Variants in TRIP10 observed in about 807,000 individuals in gnomAD.
TRIP10 encodes the protein thyroid hormone receptor interactor 10, also known as cdc42-interacting protein 4.
In TRIP10, 54 loss-of-function variants were observed where a neutral mutation model predicts 80.9. The observed-to-expected ratio is 0.67, with a 90% CI of 0.54 to 0.84. The LOEUF (loss-of-function observed/expected upper bound fraction) is 0.84, where lower values mean the gene tolerates loss of function less well. Among genes scored for constraint, TRIP10 ranks in the 40% least tolerant of loss-of-function variants. TRIP10 has a pLI of 0.00. For missense variants in TRIP10, 773 were observed against 815.3 expected (o/e 0.95, Z 0.63); for synonymous variants, 321 against 307.2 (o/e 1.04, Z -0.47).
chr19:6,750,193 C>CCA, intron 12 of TRIP10, 99 bp from the exon 13 acceptor site: 2 of 1,578,452 alleles, frequency 1.3e-6, no homozygotes, highest in Non-Finnish European at 1.7e-6. Flanking sequence ...TCCATCACAG[C>CCA]CTTGGCTGTG....
At position 6,744,758 on chromosome 19, in the gene TRIP10, G is replaced by A; in HGVS notation, c.790-42G>A. 6.3e-7 allele frequency: 1 copy of A among 1,597,306 alleles called. No homozygotes were observed. The highest frequency in any genetic ancestry group is 8.5e-7 in the Non-Finnish European group (1 of 1,170,632). On this transcript the variant is annotated intron_variant, in intron 8 of 14. Coordinates refer to ENST00000313244, the MANE Select transcript of TRIP10 (RefSeq NM_001288962.2). The surrounding 1 kb of genome is among the most constrained non-coding windows in gnomAD (Gnocchi z 4.9). ...GGAAGGGCAGAGGGAGGTACCCATA[G>A]GCTAGGCACTCGACTGCTCATCCAC... is the stretch of plus-strand genomic sequence containing the variant.
At chr19:6,748,409 T>G (rs1206045640) in intron 11 of TRIP10, 8 of 152,208 alleles carry the variant, frequency 5.3e-5, no homozygotes, top group Non-Finnish European at 1.2e-4. Context: ...AAACTGGACT[T>G]GATTTCCAGC....
intron 3 of TRIP10, 31 bp from the exon 4 acceptor site, chr19:6,742,936 T>A (rs1356983530): frequency 6.2e-7 from 1 of 1,611,048 alleles, no homozygotes; most frequent in South Asian, 1.1e-5. Flanking sequence ...GGGGCCTGAC[T>A]CCCTGTTCCC....
At position 6,751,074 on chromosome 19, in the gene TRIP10, G is replaced by A. The variant is rs762328899; in HGVS notation, c.1669G>A (p.Gly557Ser). 2.5e-6 allele frequency: 4 copies of A among 1,583,020 alleles called. No individual in the cohort carries two copies. The African/African-American group carries it at 4.1e-5, about 16-fold the overall frequency. ...CACCCCCATCACAGGGTCCAGCGAG[G>A]GCACTATCTCTATGGCCGAGGGTGA... is the stretch of plus-strand genomic sequence containing the variant. Reference protein sequence around the residue: ...AIYHFEGSSEGTISMAEGEDL... With the variant: ...AIYHFEGSSESTISMAEGEDL... Residue 557 changes from glycine to serine, a missense_variant, in exon 15 of 15, where the codon GGC becomes AGC. Physicochemically the swap from Gly to Ser is moderately conservative, Grantham distance 56 (BLOSUM62 0). Coordinates refer to ENST00000313244, the MANE Select transcript of TRIP10 (RefSeq NM_001288962.2).
In TRIP10 at chr19:6,751,504, T is replaced by A; in HGVS notation, c.*293T>A. The A allele has an allele frequency of 1.6e-6, 1 of 622,192 alleles. No individual in the cohort carries two copies. The highest frequency in any genetic ancestry group is 1.9e-5 in the African/African-American group (1 of 52,410). The allele number at this position is 622,192 out of a possible 1,614,324, so 38.5% of individuals were successfully genotyped here. A position where few individuals can be genotyped will look rare whatever the true frequency, so the allele number is the denominator to read the frequency against. ...AATGGGAAAAAAAAAAAAGAAATTA[T>A]ATAAAGTTCCTAGAGTCGGTGTCTT... On this transcript the variant is annotated 3_prime_UTR_variant, in exon 15 of 15. Coordinates refer to ENST00000313244, the MANE Select transcript of TRIP10 (RefSeq NM_001288962.2).
rs747641681 is a variant in TRIP10 at position 6,744,062 on chromosome 19, C to G, written c.642+226C>G. Among the ~76,000 whole-genome samples, 3 of 152,068 alleles carry G rather than the reference C, an allele frequency of 2.0e-5. No homozygotes were observed. In the South Asian group the frequency reaches 6.2e-4, roughly 31 times the overall value. ...TTCTATAGAGAGATGGGGCCTGGCT[C>G]TGTCACCCGGGCAGGAGTGCAGTGG... On this transcript the variant is annotated intron_variant, in intron 7 of 14. Transcript: ENST00000313244. The surrounding 1 kb of genome is among the most constrained non-coding windows in gnomAD (Gnocchi z 4.9).
chr19:6,742,348 C>A (rs1039775096), intron 3 of TRIP10, among the ~76,000 whole-genome samples: 2 of 151,930 alleles, frequency 1.3e-5, no homozygotes, highest in Non-Finnish European at 2.9e-5. Context: ...CAAGATCGCA[C>A]CACTGCACTC....
Position 6,750,659 on chromosome 19 carries a change from C to T in TRIP10, c.1657+26C>T, listed in dbSNP as rs114448656. The T allele has an allele frequency of 1.3e-3, 2,094 of 1,612,254 alleles. 17 individuals carry two copies. In the African/African-American group the frequency reaches 0.024, roughly 19 times the overall value. On this transcript the variant is annotated intron_variant, in intron 14 of 14. Coordinates refer to ENST00000313244, the MANE Select transcript of TRIP10 (RefSeq NM_001288962.2). ...GTGAGAACGGCCAGAGTGGGCTTGG[C>T]GGGGTATGGGAGGCAGTGTCTCTGG...
rs1969231505 is a variant in TRIP10 at position 6,749,940 on chromosome 19, C to T, written c.1269C>T (p.Ala423=). 1.2e-6 allele frequency: 2 copies of T among 1,613,726 alleles called. No homozygotes were observed. Among genetic ancestry groups the T allele is most frequent in the East Asian group, 2.2e-5 (1 of 44,876 alleles). The change falls in exon 12 of 15, where the codon GCC becomes GCT. Residue 423 remains alanine (A), a synonymous_variant. Transcript: ENST00000313244. The part of the protein sequence containing the change: ...ELQKEVDQRE[A]LKKMKDVYEK... ...CCTGTCTCCCTTGTCATAGGGAAGC[C>T]CTAAAGAAAATGAAGGATGTCTATG...
In TRIP10 at chr19:6,750,392, A is replaced by G. The variant is rs2145555852; in HGVS notation, c.1496A>G (p.Asp499Gly). 1.9e-6 allele frequency: 3 copies of G among 1,614,148 alleles called. No homozygotes were observed. Among genetic ancestry groups the G allele is most frequent in the Non-Finnish European group, 2.5e-6 (3 of 1,180,008 alleles). ...PPDPPASAPP[D>G]SSSNSASQDT... ...GACCCCCCCGCTAGCGCCCCGCCAGACAGCAGCAGCAACAGCGCATCACAG... is the reference window on the plus strand; with the variant it reads ...GACCCCCCCGCTAGCGCCCCGCCAGGCAGCAGCAGCAACAGCGCATCACAG... Residue 499 changes from aspartate (D) to glycine (G), a missense_variant, in exon 13 of 15, where the codon GAC (aspartate) becomes GGC (glycine). By Grantham distance (94) the Asp-to-Gly change is moderately conservative. Coordinates refer to ENST00000313244, the MANE Select transcript of TRIP10 (RefSeq NM_001288962.2).
At chr19:6,742,065 T>C (rs1968931410) in intron 3 of TRIP10, among the ~76,000 whole-genome samples, 1 of 147,904 alleles carries the variant, frequency 6.8e-6, no homozygotes, top group South Asian at 2.2e-4. Context: ...TCCCACTTAG[T>C]GTGAATGTTA....
In TRIP10 at chr19:6,744,951, G is replaced by C; in HGVS notation, c.941G>C (p.Gly314Ala). 6.2e-7 allele frequency: 1 copy of C among 1,614,026 alleles called. No homozygotes were observed. The highest frequency in any genetic ancestry group is 2.2e-5 in the East Asian group (1 of 44,884). Residue 314 changes from glycine (G) to alanine (A), a missense_variant, in exon 9 of 15, where the codon GGT (glycine) becomes GCT (alanine). Physicochemically the swap from Gly to Ala is moderately conservative, Grantham distance 60. Coordinates refer to ENST00000313244, the MANE Select transcript of TRIP10 (RefSeq NM_001288962.2). The surrounding 1 kb of genome is among the most constrained non-coding windows in gnomAD (Gnocchi z 4.9). ...GGACGGCCTGAACTCCGAGGCCCGG[G>C]TCGCAGCCGCACCAAGCGCTGGCCT... ...SDGRPELRGP[G>A]RSRTKRWPFG...
Position 6,745,042 on chromosome 19 carries a change from G to A in TRIP10, c.984+48G>A. The A allele has an allele frequency of 1.3e-6, 2 of 1,579,356 alleles. No homozygotes were observed. Among genetic ancestry groups the A allele is most frequent in the Non-Finnish European group, 1.7e-6 (2 of 1,164,128 alleles). ...TGGTGGGGGAGAAGGACAGTGAAGT[G>A]GGGACAGTGGGGCCCCTATTGAGTC... On this transcript the variant is annotated intron_variant, in intron 9 of 14. Transcript: ENST00000313244. This position sits in a 1 kb window ranked among gnomAD's most constrained non-coding sequence, Gnocchi z 7.2.
At chr19:6,742,938 C>G (rs1244809216) in intron 3 of TRIP10, 29 bp from the exon 4 acceptor site, 7 of 1,611,310 alleles carry the variant, frequency 4.3e-6, no homozygotes, top group Non-Finnish European at 5.1e-6. Context: ...GGCCTGACTC[C>G]CTGTTCCCCG....
At position 6,751,463 on chromosome 19, in the gene TRIP10, TTTTG is replaced by T. The variant is rs1413063113; in HGVS notation, c.*256_*259del. On this transcript the variant is annotated 3_prime_UTR_variant, in exon 15 of 15. Coordinates refer to ENST00000313244, the MANE Select transcript of TRIP10 (RefSeq NM_001288962.2). ...TCTTTCTGCCGCTCGGCTCCGGCCA[TTTTG>T]TTTTATACAAAAATGGGAAAAAAAA... is the stretch of plus-strand genomic sequence containing the variant. 1.8e-5 allele frequency: 17 copies of T among 928,572 alleles called. No individual in the cohort carries two copies. The highest frequency in any genetic ancestry group is 2.3e-5 in the Non-Finnish European group (16 of 692,570). The allele number at this position is 928,572 out of a possible 1,614,324, so 57.5% of individuals were successfully genotyped here.
In TRIP10 at chr19:6,743,604, T is replaced by TGGG; in HGVS notation, c.513+7_513+8insGGG. 1 of 654,686 alleles carries TGGG rather than the reference T, an allele frequency of 1.5e-6. No homozygotes were observed. The allele number at this position is 654,686 out of a possible 1,614,324, so 40.6% of individuals were successfully genotyped here. On this transcript the variant is annotated splice_region_variant and intron_variant, in intron 6 of 14. Coordinates refer to ENST00000313244, the MANE Select transcript of TRIP10 (RefSeq NM_001288962.2). ...CCAAGGCTGATGTGGAGAAGGTGTG[T>TGGG]GTGGCGGGGGCGGGGGGGGGGTGCG...
Position 6,744,549 on chromosome 19 carries a change from T to TA in TRIP10, c.643-4dup. 1 of 1,613,952 alleles carries TA rather than the reference T, an allele frequency of 6.2e-7. No homozygotes were observed. The highest frequency in any genetic ancestry group is 8.5e-7 in the Non-Finnish European group (1 of 1,179,978). On this transcript the variant is annotated splice_polypyrimidine_tract_variant and splice_region_variant and intron_variant, in intron 7 of 14. Coordinates refer to ENST00000313244, the MANE Select transcript of TRIP10 (RefSeq NM_001288962.2). This position sits in a 1 kb window ranked among gnomAD's most constrained non-coding sequence, Gnocchi z 4.9. ...CCTGAGCCACCCTTGTCCCTGTCCT[T>TA]ACAGAAGCTCCAAGACATGGATGAA...
At position 6,743,054 on chromosome 19, in the gene TRIP10, T is replaced by C. The variant is rs1312013201; in HGVS notation, c.285T>C (p.Ser95=). Residue 95 remains serine (S), a synonymous_variant, in exon 4 of 15, where the codon AGT becomes AGC. Coordinates refer to ENST00000313244, the MANE Select transcript of TRIP10 (RefSeq NM_001288962.2). ...GQRELVAENL[S]VRVCLELTKY... ...GGGAGCTGGTGGCTGAGAACCTCAG[T>C]GTCCGTGTATGTCTTGAGCTGACCA... 6.2e-7 allele frequency: 1 copy of C among 1,614,152 alleles called. No individual in the cohort carries two copies. Among genetic ancestry groups the C allele is most frequent in the East Asian group, 2.2e-5 (1 of 44,878 alleles).
intron 11 of TRIP10, among the ~76,000 whole-genome samples, 199 bp from the exon 12 acceptor site, chr19:6,749,735 C>A (rs932238433): frequency 3.9e-5 from 6 of 152,040 alleles, no homozygotes; most frequent in Non-Finnish European, 7.4e-5. Context: ...TCTATAGTCC[C>A]AGTTACTCAG....
Sources: gnomAD v4.1 joint callset for allele counts (sites outside exome capture counted in the v4.1 genomes callset) on GRCh38, gnomAD v4.1.1 for gene constraint, Gnocchi (gnomAD v3.1) non-coding constraint, MANE v1.5 for transcripts, NCBI Gene and HGNC (gene_info 2026-07-23, HGNC 2026-07-21) for gene names.